The following AKAP6 variants were observed in gnomAD, a reference collection of about 807,000 sequenced individuals.
AKAP6 encodes the protein A-kinase anchor protein 6.
AKAP6 carries 58 observed loss-of-function variants against 188.5 expected under a neutral mutation model. That is an observed-to-expected ratio of 0.31 (90% confidence interval 0.25 to 0.38). The LOEUF (loss-of-function observed/expected upper bound fraction) is 0.38, where lower values mean the gene tolerates loss of function less well. Among genes scored for constraint, AKAP6 ranks in the 10% least tolerant of loss-of-function variants. The pLI, the probability that AKAP6 is intolerant of heterozygous loss-of-function variation, is 1.00. For missense variants in AKAP6, 2,710 were observed against 2,740.0 expected, an observed-to-expected ratio of 0.99 and a Z score of 0.24; for synonymous variants, 989 against 998.6, an observed-to-expected ratio of 0.99 and a Z score of 0.18.
In AKAP6 at chr14:32,547,014, T is replaced by A; in HGVS notation, c.2346+15T>A. On this transcript the variant is annotated intron_variant, in intron 4 of 13. Coordinates refer to ENST00000280979, the MANE Select transcript of AKAP6 (RefSeq NM_004274.5). ...AAAAAATAGAGGTAAGGTGGTTTTC[T>A]TAACATGAATGATTTCTCACTTGAG... The A allele has an allele frequency of 6.4e-7, 1 of 1,571,312 alleles. No homozygotes were observed. Among genetic ancestry groups the A allele is most frequent in the East Asian group, 2.2e-5 (1 of 44,578 alleles).
intron 2 of AKAP6, among the ~76,000 whole-genome samples, chr14:32,444,126 C>G (rs7140949): frequency 3.9e-5 from 6 of 151,956 alleles, no homozygotes; most frequent in Non-Finnish European, 2.9e-5. Flanking sequence ...ACAAATAAAG[C>G]AATAATGTGG....
chr14:32,663,373 T>C (rs1888785781), intron 7 of AKAP6, among the ~76,000 whole-genome samples: 1 of 152,064 alleles, frequency 6.6e-6, no homozygotes, highest in Admixed American at 6.6e-5. Flanking sequence ...TACATACTTA[T>C]TGAGTGTCTG....
At chr14:32,341,093 G>T (rs1299182531) in intron 1 of AKAP6, among the ~76,000 whole-genome samples, 5 of 152,166 alleles carry the variant, frequency 3.3e-5, no homozygotes, top group Admixed American at 3.3e-4. Flanking sequence ...TCAACCTAAA[G>T]TCAACACATA....
chr14:32,617,698 T>C (rs778091102), intron 7 of AKAP6, among the ~76,000 whole-genome samples: 8 of 152,218 alleles, frequency 5.3e-5, no homozygotes, highest in African/African-American at 1.2e-4. Flanking sequence ...CAGTTTCAAC[T>C]CACTGCAACC....
intron 11 of AKAP6, among the ~76,000 whole-genome samples, chr14:32,750,051 C>T (rs1041044124): frequency 6.6e-6 from 1 of 152,152 alleles, no homozygotes; most frequent in African/African-American, 2.4e-5. Context: ...ATTAAGATTA[C>T]TGATCTTTTT....
intron 9 of AKAP6, among the ~76,000 whole-genome samples, chr14:32,703,625 A>G (rs865940385): frequency 2.0e-5 from 3 of 152,354 alleles, no homozygotes; most frequent in Non-Finnish European, 4.4e-5. Flanking sequence ...TTAGCAGCAC[A>G]AATGTGAAAA....
At chr14:32,379,408 A>G (rs1888271264) in intron 1 of AKAP6, among the ~76,000 whole-genome samples, 1 of 152,156 alleles carries the variant, frequency 6.6e-6, no homozygotes, top group Admixed American at 6.5e-5. Flanking sequence ...TATTTTACAC[A>G]GAGTTGCCTG....
chr14:32,382,748 T>G lies in AKAP6; in HGVS notation c.-34-50712T>G, dbSNP rs1404107388. ...CTGTGGTAGATGGGGAGTGTGGAAG[T>G]GTATACCAGCTTTGTTTTTCATGGG... On this transcript the variant is annotated intron_variant, in intron 1 of 13. Coordinates refer to ENST00000280979, the MANE Select transcript of AKAP6 (RefSeq NM_004274.5). Among the ~76,000 whole-genome samples the G allele has an allele frequency of 4.6e-5, 7 of 152,104 alleles. No homozygotes were observed. In the East Asian group the frequency reaches 1.3e-3, roughly 29 times the overall value.
chr14:32,652,096 T>G (rs1888255637), intron 7 of AKAP6, among the ~76,000 whole-genome samples: 1 of 152,098 alleles, frequency 6.6e-6, no homozygotes. Context: ...CATGCTATGG[T>G]TCCATGCTCA....
chr14:32,508,010 T>C (rs551960393), intron 2 of AKAP6, among the ~76,000 whole-genome samples: 2 of 152,194 alleles, frequency 1.3e-5, no homozygotes, highest in Non-Finnish European at 2.9e-5. Flanking sequence ...AACTGGTCTG[T>C]GTCTTTGGCA....
chr14:32,624,783 T>C (rs1208554350), intron 7 of AKAP6, among the ~76,000 whole-genome samples: 1 of 152,148 alleles, frequency 6.6e-6, no homozygotes, highest in Non-Finnish European at 1.5e-5. Flanking sequence ...TGCAGCTCAG[T>C]TATTACCAAT....
chr14:32,835,260 A>C lies in AKAP6; in HGVS notation c.*5455A>C, dbSNP rs1264465545. 6 of 130,696 alleles carry C rather than the reference A, an allele frequency of 4.6e-5. No individual in the cohort carries two copies. Among genetic ancestry groups the C allele is most frequent in the African/African-American group, 1.3e-4 (5 of 38,936 alleles). 8.1% of individuals were successfully genotyped at this position (130,696 alleles called of 1,614,324 possible). A position where few individuals can be genotyped will look rare whatever the true frequency, so the allele number is the denominator to read the frequency against. On this transcript the variant is annotated 3_prime_UTR_variant, in exon 14 of 14. Transcript: ENST00000280979. ...AGTGTAAGACATAAACACCGGCAAT[A>C]GTTGTGTTTTTTTTTTCTTTTTACT...
intron 1 of AKAP6, among the ~76,000 whole-genome samples, chr14:32,398,393 C>G (rs144993833): frequency 8.2e-4 from 125 of 152,332 alleles, no homozygotes; most frequent in African/African-American, 2.9e-3. Flanking sequence ...GGCTTTACCA[C>G]TCTTTGCATT....
At chr14:32,390,754 T>G (rs1888686622) in intron 1 of AKAP6, among the ~76,000 whole-genome samples, 1 of 152,106 alleles carries the variant, frequency 6.6e-6, no homozygotes, top group Non-Finnish European at 1.5e-5. Context: ...AAGTGTCTCC[T>G]GGGTCCTGCA....
intron 2 of AKAP6, among the ~76,000 whole-genome samples, chr14:32,438,381 C>T (rs1293895458): frequency 6.6e-6 from 1 of 152,146 alleles, no homozygotes; most frequent in Non-Finnish European, 1.5e-5. Context: ...CTTCTAAACC[C>T]AGAGACACTC....
intron 11 of AKAP6, among the ~76,000 whole-genome samples, chr14:32,744,051 A>T (rs987813386): frequency 1.2e-4 from 18 of 152,144 alleles, no homozygotes; most frequent in Non-Finnish European, 2.2e-4. Flanking sequence ...TGCCAGATAT[A>T]CTATTCTAGG....
chr14:32,597,797 A>G (rs1439573432), intron 5 of AKAP6, among the ~76,000 whole-genome samples: 4 of 152,212 alleles, frequency 2.6e-5, no homozygotes, highest in Non-Finnish European at 5.9e-5. Flanking sequence ...ACTTACAATT[A>G]TAATAACTTA....
At chr14:32,778,825 G>A (rs1445418970) in intron 12 of AKAP6, among the ~76,000 whole-genome samples, 4 of 150,888 alleles carry the variant, frequency 2.7e-5, no homozygotes, top group Non-Finnish European at 5.9e-5. Context: ...GGGATTACAG[G>A]CATGAGTCGC....
At chr14:32,583,851 G>A (rs1024850366) in intron 5 of AKAP6, among the ~76,000 whole-genome samples, 5 of 152,222 alleles carry the variant, frequency 3.3e-5, no homozygotes, top group African/African-American at 1.2e-4. Context: ...TAGGGTGGGA[G>A]TGACCTGATT....
Sources: gnomAD v4.1 joint callset for allele counts (sites outside exome capture counted in the v4.1 genomes callset) on GRCh38, gnomAD v4.1.1 for gene constraint, MANE v1.5 for transcripts, NCBI Gene and HGNC (gene_info 2026-07-23, HGNC 2026-07-21) for gene names.